The following TMEM132D variants were observed in gnomAD, a reference collection of about 807,000 sequenced individuals.
TMEM132D encodes the protein mature OL transmembrane protein.
Under a neutral mutation model 62.3 loss-of-function variants are expected in TMEM132D, and 21 were observed. The observed-to-expected ratio is 0.34, with a 90% CI of 0.24 to 0.49. TMEM132D has a LOEUF of 0.49. TMEM132D is among the 20% of genes least tolerant of loss of function. The probability of loss-of-function intolerance (pLI) is 0.99; values close to 1 mark genes in which losing one functional copy is unlikely to be tolerated. For missense variants in TMEM132D, 1,346 were observed against 1,402.8 expected (o/e 0.96, Z 0.65); for synonymous variants, 621 against 575.6 (o/e 1.08, Z -1.13).
intron 3 of TMEM132D, among the ~76,000 whole-genome samples, chr12:129,504,125 A>G (rs915192667): frequency 3.3e-5 from 5 of 151,720 alleles, no homozygotes; most frequent in Non-Finnish European, 7.4e-5. Flanking sequence ...ATCACTGCCA[A>G]CACCATCACC....
chr12:129,831,932 C>T (rs1242249651), intron 1 of TMEM132D, among the ~76,000 whole-genome samples: 1 of 142,460 alleles, frequency 7.0e-6, no homozygotes, highest in African/African-American at 2.6e-5. Flanking sequence ...TGCAGTAGCA[C>T]GATCTCAGCT....
chr12:129,529,453 T>C (rs1876153131), intron 3 of TMEM132D, among the ~76,000 whole-genome samples: 1 of 152,226 alleles, frequency 6.6e-6, no homozygotes. Flanking sequence ...CCCCCCATGC[T>C]CTCTCTCTGT....
intron 1 of TMEM132D, among the ~76,000 whole-genome samples, chr12:129,804,984 G>A (rs1001014897): frequency 7.6e-6 from 1 of 132,304 alleles, no homozygotes; most frequent in Non-Finnish European, 1.6e-5. Flanking sequence ...CAACTTACAA[G>A]GGATGTGAAG....
chr12:129,077,718 CAACA>C (rs564649600), intron 8 of TMEM132D, among the ~76,000 whole-genome samples: 347 of 151,544 alleles, frequency 2.3e-3, no homozygotes, highest in African/African-American at 8.1e-3. Context: ...CACATACAAA[CAACA>C]AATAGACACA....
At chr12:129,697,697 A>G (rs531083251) in intron 2 of TMEM132D, among the ~76,000 whole-genome samples, 1 of 152,344 alleles carries the variant, frequency 6.6e-6, no homozygotes, top group South Asian at 2.1e-4. Context: ...CACCAAATTT[A>G]GAAGCTTCAA....
chr12:129,396,491 C>T (rs2135697562), intron 3 of TMEM132D, among the ~76,000 whole-genome samples: 1 of 152,306 alleles, frequency 6.6e-6, no homozygotes, highest in South Asian at 2.1e-4. Context: ...GCTACTTCCT[C>T]TTTTCCTTTC....
chr12:129,656,563 C>T (rs117536209), intron 2 of TMEM132D, among the ~76,000 whole-genome samples: 122 of 152,276 alleles, frequency 8.0e-4, no homozygotes, highest in South Asian at 1.7e-3. Context: ...TGTGGTAAAG[C>T]ATGACTCTGG....
intron 2 of TMEM132D, among the ~76,000 whole-genome samples, chr12:129,622,078 G>T (rs1565926253): frequency 6.6e-6 from 1 of 152,186 alleles, no homozygotes; most frequent in Non-Finnish European, 1.5e-5. Flanking sequence ...GCCTCAGTAG[G>T]TACGTGGGGG....
chr12:129,131,418 C>T (rs1368680594), intron 5 of TMEM132D, among the ~76,000 whole-genome samples: 1 of 152,080 alleles, frequency 6.6e-6, no homozygotes, highest in Non-Finnish European at 1.5e-5. Context: ...ACCAGCCTGG[C>T]CAACATGGGG....
At chr12:129,799,069 A>T (rs1402337804) in intron 1 of TMEM132D, among the ~76,000 whole-genome samples, 1 of 146,300 alleles carries the variant, frequency 6.8e-6, no homozygotes, top group African/African-American at 2.8e-5. Context: ...ATGGAGACCA[A>T]TCCTGTCCAA....
chr12:129,545,540 AGTGCT>A (rs1471076035), intron 2 of TMEM132D, among the ~76,000 whole-genome samples: 1 of 152,204 alleles, frequency 6.6e-6, no homozygotes, highest in Non-Finnish European at 1.5e-5. Flanking sequence ...CTATAGGCAC[AGTGCT>A]GTGCTGTGGA....
At chr12:129,249,713 C>T (rs535217363) in intron 4 of TMEM132D, among the ~76,000 whole-genome samples, 7 of 152,216 alleles carry the variant, frequency 4.6e-5, no homozygotes, top group South Asian at 2.1e-4. Context: ...ATATTTACTT[C>T]GGCCGATGGA....
intron 2 of TMEM132D, among the ~76,000 whole-genome samples, chr12:129,578,607 G>A (rs953686388): frequency 6.6e-6 from 1 of 151,966 alleles, no homozygotes; most frequent in Non-Finnish European, 1.5e-5. Flanking sequence ...ACAATATGGA[G>A]GCTGTTACAT....
Position 129,084,889 on chromosome 12 carries a change from G to A in TMEM132D, c.1444-187C>T, listed in dbSNP as rs754921349. ...TTGCTTTTGAGTAATAATAGCAGAC[G>A]CTGTTATGAAAGGTGCTCTCTGAGT... On this transcript the variant is annotated intron_variant, in intron 5 of 8. Transcript: ENST00000422113. 8.1e-5 allele frequency: 48 copies of A among 595,350 alleles called. 1 individual carries two copies. Among genetic ancestry groups the A allele is most frequent in the Middle Eastern group, 4.4e-4 (1 of 2,272 alleles). 36.9% of individuals were successfully genotyped at this position (595,350 alleles called of 1,614,324 possible).
intron 3 of TMEM132D, among the ~76,000 whole-genome samples, chr12:129,444,607 C>G (rs761332855): frequency 2.0e-5 from 3 of 152,142 alleles, no homozygotes; most frequent in Non-Finnish European, 2.9e-5. Context: ...CTGATGCTCT[C>G]CCCCTCCCCA....
intron 2 of TMEM132D, among the ~76,000 whole-genome samples, chr12:129,582,279 G>A (rs148048191): frequency 1.3e-5 from 2 of 152,310 alleles, no homozygotes; most frequent in Non-Finnish European, 2.9e-5. Context: ...CAACGTTGTT[G>A]GGTATTTGGC....
intron 2 of TMEM132D, among the ~76,000 whole-genome samples, chr12:129,615,790 CAAAACAAAATAAAATAAAATAAAAT>C (rs1210632129): frequency 2.2e-5 from 3 of 138,300 alleles, no homozygotes; most frequent in African/African-American, 8.1e-5. Context: ...CAAAACAAAA[CAAAACAAAATAAAATAAAATAAAAT>C]AAAATAAAAT....
chr12:129,104,455 G>C (rs1875419890), intron 5 of TMEM132D, among the ~76,000 whole-genome samples: 1 of 152,178 alleles, frequency 6.6e-6, no homozygotes, highest in African/African-American at 2.4e-5. Flanking sequence ...GAAAGCCTAG[G>C]CTTTACCATT....
chr12:129,752,791 G>C (rs1024751074), intron 1 of TMEM132D, among the ~76,000 whole-genome samples: 1 of 152,176 alleles, frequency 6.6e-6, no homozygotes, highest in African/African-American at 2.4e-5. Context: ...TGATACATAA[G>C]CTTTTGTCAT....
Sources: gnomAD v4.1 joint callset for allele counts (sites outside exome capture counted in the v4.1 genomes callset) on GRCh38, gnomAD v4.1.1 for gene constraint, MANE v1.5 for transcripts, NCBI Gene and HGNC (gene_info 2026-07-23, HGNC 2026-07-21) for gene names.